The following SNTG1 variants were observed in gnomAD, a reference collection of about 807,000 sequenced individuals.
SNTG1 encodes the protein syntrophin gamma 1.
A neutral mutation model predicts 74.7 loss-of-function variants in SNTG1; 39 were observed. That is an observed-to-expected ratio of 0.52 (90% CI 0.40 to 0.68). SNTG1 has a LOEUF of 0.68. Ranked by LOEUF, SNTG1 falls within the 30% of genes least tolerant of loss-of-function variation. The probability of loss-of-function intolerance (pLI) is 0.00; values close to 1 mark genes in which losing one functional copy is unlikely to be tolerated. For missense variants in SNTG1, 685 were observed against 609.5 expected (o/e 1.12, Z -1.30); for synonymous variants, 254 against 217.1 (o/e 1.17, Z -1.49).
At chr8:50,289,272 T>C (rs2088956952) in intron 2 of SNTG1, among the ~76,000 whole-genome samples, 2 of 152,202 alleles carry the variant, frequency 1.3e-5, no homozygotes, top group Admixed American at 1.3e-4. Flanking sequence ...CTTCACTAGA[T>C]AATTTATCAA....
intron 2 of SNTG1, among the ~76,000 whole-genome samples, chr8:50,211,118 C>T (rs1406932509): frequency 6.6e-6 from 1 of 151,988 alleles, no homozygotes; most frequent in Non-Finnish European, 1.5e-5. Context: ...GTATAATCAT[C>T]CCAAAATATG....
intron 13 of SNTG1, among the ~76,000 whole-genome samples, chr8:50,621,330 C>T (rs35460910): frequency 0.05 from 7,676 of 152,124 alleles, 317 homozygotes; most frequent in Non-Finnish European, 0.078. Flanking sequence ...CCCCAAGATA[C>T]GGCCTTACAA....
intron 4 of SNTG1, among the ~76,000 whole-genome samples, chr8:50,405,115 G>T (rs1349981872): frequency 6.6e-6 from 1 of 152,042 alleles, no homozygotes; most frequent in East Asian, 1.9e-4. Context: ...AGGAACATGG[G>T]TGTACAAATA....
intron 1 of SNTG1, among the ~76,000 whole-genome samples, chr8:50,014,303 A>C: frequency 6.6e-6 from 1 of 152,152 alleles, no homozygotes; most frequent in Admixed American, 6.6e-5. Context: ...CCCACAGCTC[A>C]ACTCAGGCAG....
At chr8:50,481,399 A>T (rs1424700155) in intron 8 of SNTG1, among the ~76,000 whole-genome samples, 1 of 152,154 alleles carries the variant, frequency 6.6e-6, no homozygotes, top group African/African-American at 2.4e-5. Context: ...CAACAACAAC[A>T]ACAAAACATA....
intron 2 of SNTG1, among the ~76,000 whole-genome samples, chr8:50,257,401 C>A (rs1236513469): frequency 6.6e-6 from 1 of 152,138 alleles, no homozygotes; most frequent in East Asian, 1.9e-4. Flanking sequence ...TTTTCCCTGT[C>A]CCCATGTGTG....
chr8:50,310,605 T>A (rs1357653390), intron 2 of SNTG1, among the ~76,000 whole-genome samples: 1 of 152,152 alleles, frequency 6.6e-6, no homozygotes, highest in Non-Finnish European at 1.5e-5. Context: ...GGAGAATCGC[T>A]TGAACCTGGG....
chr8:50,593,743 A>C (rs1351745560), intron 13 of SNTG1, among the ~76,000 whole-genome samples: 1 of 147,136 alleles, frequency 6.8e-6, no homozygotes, highest in African/African-American at 2.5e-5. Flanking sequence ...TGAGAGACAG[A>C]GTCTCATTCT....
chr8:50,567,888 ATACACTT>A (rs2094524835), intron 12 of SNTG1, among the ~76,000 whole-genome samples: 2 of 152,090 alleles, frequency 1.3e-5, no homozygotes, highest in Non-Finnish European at 2.9e-5. Flanking sequence ...CTACATTGAG[ATACACTT>A]TACATTGTTA....
chr8:50,499,187 A>C (rs975624996), intron 8 of SNTG1, among the ~76,000 whole-genome samples: 3 of 151,854 alleles, frequency 2.0e-5, no homozygotes, highest in African/African-American at 7.2e-5. Flanking sequence ...TTTGATAAAT[A>C]TTGAGTCTTG....
At chr8:50,685,056 T>C (rs1247132769) in intron 15 of SNTG1, among the ~76,000 whole-genome samples, 2 of 151,960 alleles carry the variant, frequency 1.3e-5, no homozygotes, top group Admixed American at 1.3e-4. Context: ...GAAAGCTAAA[T>C]CTAAGACTTA....
intron 13 of SNTG1, among the ~76,000 whole-genome samples, chr8:50,622,645 G>A (rs2094930621): frequency 6.6e-6 from 1 of 151,894 alleles, no homozygotes; most frequent in Admixed American, 6.6e-5. Flanking sequence ...TTGTGAATCT[G>A]ACCATTGGTA....
intron 2 of SNTG1, among the ~76,000 whole-genome samples, chr8:50,253,422 TTAAA>T (rs57078517): frequency 4.0e-5 from 6 of 149,032 alleles, no homozygotes; most frequent in South Asian, 4.3e-4. Flanking sequence ...AAACTCCGTC[TTAAA>T]TAAATAAATA....
At chr8:50,775,705 G>A (rs891114271) in intron 18 of SNTG1, among the ~76,000 whole-genome samples, 2 of 151,684 alleles carry the variant, frequency 1.3e-5, no homozygotes, top group Non-Finnish European at 3.0e-5. Context: ...ATTGTTAAGA[G>A]AGATGTTGAA....
At chr8:50,322,463 C>T (rs2090570101) in intron 2 of SNTG1, among the ~76,000 whole-genome samples, 1 of 152,110 alleles carries the variant, frequency 6.6e-6, no homozygotes, top group African/African-American at 2.4e-5. Flanking sequence ...AGGATCTTCT[C>T]TGTGTCCTTG....
At chr8:50,319,461 T>G (rs2090444429) in intron 2 of SNTG1, among the ~76,000 whole-genome samples, 1 of 152,224 alleles carries the variant, frequency 6.6e-6, no homozygotes, top group South Asian at 2.1e-4. Flanking sequence ...TTCTAATAGT[T>G]TTTTAGGGAA....
intron 13 of SNTG1, among the ~76,000 whole-genome samples, chr8:50,636,357 T>C (rs1291988855): frequency 6.6e-6 from 1 of 151,972 alleles, no homozygotes; most frequent in African/African-American, 2.4e-5. Context: ...AGGACTTGCC[T>C]AGAGTTACAG....
intron 15 of SNTG1, among the ~76,000 whole-genome samples, chr8:50,662,167 A>G (rs2095227439): frequency 6.6e-6 from 1 of 152,134 alleles, no homozygotes; most frequent in South Asian, 2.1e-4. Context: ...TCCTGCCATG[A>G]GGTATCACTT....
At chr8:50,382,466 C>G (rs927263041) in intron 2 of SNTG1, among the ~76,000 whole-genome samples, 2 of 151,942 alleles carry the variant, frequency 1.3e-5, no homozygotes, top group African/African-American at 4.8e-5. Flanking sequence ...CTAGCTCAAA[C>G]TATAAAATAA....
Sources: allele counts gnomAD v4.1 joint callset (sites outside exome capture counted in the v4.1 genomes callset), GRCh38; gene constraint gnomAD v4.1.1; transcripts MANE v1.5; gene names NCBI Gene and HGNC (gene_info 2026-07-23, HGNC 2026-07-21).